The following PAPOLG variants were observed in gnomAD, a reference collection of about 807,000 sequenced individuals.
PAPOLG encodes the protein poly(A) polymerase gamma.
Under a neutral mutation model 99.0 loss-of-function variants are expected in PAPOLG, and 40 were observed. That is an observed-to-expected ratio of 0.40 (90% CI 0.31 to 0.53). The LOEUF is 0.53. Ranked by LOEUF, PAPOLG falls within the 20% of genes least tolerant of loss-of-function variation. The pLI is 0.41. For synonymous variants in PAPOLG, 310 were observed against 299.3 expected (o/e 1.04, Z -0.37); for missense variants, 675 against 884.1 (o/e 0.76, Z 3.00).
At chr2:60,787,722 T>C in intron 15 of PAPOLG, 102 bp downstream of exon 15, 1 of 1,423,368 alleles carries the variant, frequency 7.0e-7, no homozygotes, top group Non-Finnish European at 9.5e-7. Flanking sequence ...GTTCCACAAT[T>C]GGTTAAGTGA....
intron 17 of PAPOLG, among the ~76,000 whole-genome samples, chr2:60,792,733 AAAAAAATAC>A (rs1341528954): frequency 6.6e-6 from 1 of 152,024 alleles, no homozygotes; most frequent in East Asian, 1.9e-4. Context: ...CTGTCTATAC[AAAAAAATAC>A]AAAAATTAAT....
chr2:60,778,426 C>G (rs987077610), intron 8 of PAPOLG, among the ~76,000 whole-genome samples: 1 of 152,000 alleles, frequency 6.6e-6, no homozygotes, highest in African/African-American at 2.4e-5. Context: ...AGTCCTCCTG[C>G]CTTGGCCTCC....
intron 8 of PAPOLG, among the ~76,000 whole-genome samples, chr2:60,778,644 T>TA (rs1347868801): frequency 5.3e-5 from 8 of 152,176 alleles, no homozygotes; most frequent in African/African-American, 1.4e-4. Context: ...TGTTACAAGT[T>TA]AAAAAATAGC....
At chr2:60,764,336 C>G (rs1670609833) in intron 3 of PAPOLG, among the ~76,000 whole-genome samples, 1 of 152,190 alleles carries the variant, frequency 6.6e-6, no homozygotes, top group Admixed American at 6.5e-5. Context: ...TTAAAACTCA[C>G]AGTTGTCAGT....
In PAPOLG at chr2:60,791,822, T is replaced by C; in HGVS notation, c.1458T>C (p.His486=). 6.2e-7 allele frequency: 1 copy of C among 1,613,840 alleles called. No individual in the cohort carries two copies. Among genetic ancestry groups the C allele is most frequent in the Non-Finnish European group, 8.5e-7 (1 of 1,179,930 alleles). Residue 486 remains histidine (H), a synonymous_variant, in exon 16 of 22, where the codon CAT becomes CAC. Transcript: ENST00000238714. The part of the protein sequence containing the change: ...LKEGMKIEAT[H]VKKKQLHHYL... ...AGGGAATGAAAATTGAAGCAACTCA[T>C]GTAAAGAAAAAACAACTTCACCACT... is the stretch of plus-strand genomic sequence containing the variant.
chr2:60,787,749 T>C, intron 15 of PAPOLG, 129 bp downstream of exon 15: 3 of 1,252,646 alleles, frequency 2.4e-6, no homozygotes, highest in Non-Finnish European at 3.3e-6. Flanking sequence ...CATATCCGTA[T>C]TGCTGTTAAA....
At chr2:60,796,133 A>G (rs967491151) in intron 21 of PAPOLG, among the ~76,000 whole-genome samples, 2 of 152,036 alleles carry the variant, frequency 1.3e-5, no homozygotes, top group Admixed American at 6.6e-5. Context: ...TAGCCAAGGT[A>G]AAACAAGAGG....
rs759837461 is a variant in PAPOLG, at chr2:60,783,136, TG to T, written c.1113-19del. The T allele has an allele frequency of 2.6e-5, 41 of 1,550,780 alleles. No individual in the cohort carries two copies. Among genetic ancestry groups the T allele is most frequent in the Middle Eastern group, 1.7e-4 (1 of 5,764 alleles). On this transcript the variant is annotated intron_variant, in intron 12 of 21. Transcript: ENST00000238714. The stretch of plus-strand genomic sequence containing the variant: ...AATTTTTCTGGCTTTTTTTCCTGAT[TG>T]TTGCTGAAAATTCTTCAGACATTAT...
chr2:60,778,855 C>T (rs567684787), intron 8 of PAPOLG, among the ~76,000 whole-genome samples: 3 of 152,102 alleles, frequency 2.0e-5, no homozygotes, highest in Non-Finnish European at 4.4e-5. Context: ...TTCATATTTA[C>T]CACATCTGAA....
chr2:60,780,403 G>A (rs1671153028), intron 9 of PAPOLG, among the ~76,000 whole-genome samples: 1 of 151,686 alleles, frequency 6.6e-6, no homozygotes, highest in Admixed American at 6.6e-5. Flanking sequence ...AGCCTCCTGA[G>A]TACCTGGGAC....
chr2:60,779,773 G>A lies in PAPOLG; in HGVS notation c.831G>A (p.Lys277=). Reference sequence around the variant, plus strand: ...ATAAGTTCTTTTTAGTTTTTTCCAAGTGGTAAGTATTTACGTGTGTACTTT... The same window carrying A: ...ATAAGTTCTTTTTAGTTTTTTCCAAATGGTAAGTATTTACGTGTGTACTTT... ...LVHKFFLVFS[K]WEWPNPVLLK... Residue 277 remains lysine (K), a splice_region_variant and synonymous_variant, in exon 9 of 22, where the codon AAG becomes AAA. Transcript: ENST00000238714. 1 of 1,612,156 alleles carries A rather than the reference G, an allele frequency of 6.2e-7. No homozygotes were observed.
chr2:60,761,912 T>C, intron 3 of PAPOLG, 105 bp downstream of exon 3: 1 of 827,686 alleles, frequency 1.2e-6, no homozygotes, highest in Non-Finnish European at 2.0e-6. Context: ...CATCAAAGCT[T>C]GGCTCTCTGG....
chr2:60,769,193 T>A (rs1049399287), intron 5 of PAPOLG, among the ~76,000 whole-genome samples: 10 of 152,178 alleles, frequency 6.6e-5, no homozygotes, highest in African/African-American at 2.4e-4. Flanking sequence ...TTTATAAGGT[T>A]TTTGAGTATT....
chr2:60,786,910 T>G, intron 13 of PAPOLG, 37 bp from the exon 14 acceptor site: 1 of 1,584,080 alleles, frequency 6.3e-7, no homozygotes, highest in Non-Finnish European at 8.6e-7. Context: ...AAATTTAAAG[T>G]GGACATAAGA....
At chr2:60,786,874 G>GT in intron 13 of PAPOLG, 73 bp from the exon 14 acceptor site, 2 of 1,533,232 alleles carry the variant, frequency 1.3e-6, no homozygotes, top group Non-Finnish European at 1.8e-6. Context: ...TTAATATGCT[G>GT]TTTGGTTTAC....
At chr2:60,760,493 A>G (rs558765068) in intron 2 of PAPOLG, among the ~76,000 whole-genome samples, 198 bp downstream of exon 2, 10 of 152,234 alleles carry the variant, frequency 6.6e-5, no homozygotes, top group Non-Finnish European at 1.5e-4. Context: ...TATGACACTC[A>G]TGAGTAATAT....
intron 17 of PAPOLG, 72 bp downstream of exon 17, chr2:60,792,361 A>T (rs150008471): frequency 7.5e-7 from 1 of 1,335,454 alleles, no homozygotes; most frequent in Non-Finnish European, 1.0e-6. Context: ...GAACTTTTCT[A>T]TACCTCTGCT....
At chr2:60,787,121 G>A in intron 14 of PAPOLG, 55 bp downstream of exon 14, 1 of 1,389,062 alleles carries the variant, frequency 7.2e-7, no homozygotes, top group Non-Finnish European at 9.8e-7. Context: ...TTTGGTATAT[G>A]CATCATTTCA....
chr2:60,757,939 G>C (rs1367832943), intron 1 of PAPOLG, among the ~76,000 whole-genome samples: 1 of 152,172 alleles, frequency 6.6e-6, no homozygotes, highest in Non-Finnish European at 1.5e-5. Flanking sequence ...AAAAAAGTGA[G>C]GCCCGTCATC....
Sources: gnomAD v4.1 joint callset for allele counts (sites outside exome capture counted in the v4.1 genomes callset) on GRCh38, gnomAD v4.1.1 for gene constraint, MANE v1.5 for transcripts, NCBI Gene and HGNC (gene_info 2026-07-23, HGNC 2026-07-21) for gene names.